Variants in CTNNA3 observed in about 807,000 individuals in gnomAD.
The protein encoded by CTNNA3 is catenin alpha 3.
Under a neutral mutation model 95.7 loss-of-function variants are expected in CTNNA3, and 76 were observed. That is an observed-to-expected ratio of 0.79 (90% CI 0.66 to 0.96). CTNNA3 has a LOEUF of 0.96. Ranked by LOEUF, CTNNA3 falls within the 40% of genes least tolerant of loss-of-function variation. CTNNA3 has a pLI of 0.00. For synonymous variants in CTNNA3, 431 were observed against 374.4 expected (o/e 1.15, Z -1.74); for missense variants, 1,191 against 1,089.8 (o/e 1.09, Z -1.31).
At chr10:67,502,212 C>A (rs1839255118) in intron 5 of CTNNA3, among the ~76,000 whole-genome samples, 1 of 152,116 alleles carries the variant, frequency 6.6e-6, no homozygotes, top group African/African-American at 2.4e-5. Flanking sequence ...AGTTTTCCTT[C>A]TAATGGTCAG....
intron 7 of CTNNA3, among the ~76,000 whole-genome samples, chr10:67,075,675 G>A (rs1039195144): frequency 1.2e-4 from 18 of 152,182 alleles, no homozygotes; most frequent in Admixed American, 3.9e-4. Context: ...TTGGCACCTC[G>A]TAAGTGCCCA....
chr10:67,649,059 T>A (rs1839803651), intron 1 of CTNNA3, among the ~76,000 whole-genome samples: 1 of 152,214 alleles, frequency 6.6e-6, no homozygotes, highest in African/African-American at 2.4e-5. Flanking sequence ...GATATGTCCT[T>A]CAGTGTATAG....
intron 12 of CTNNA3, among the ~76,000 whole-genome samples, chr10:66,373,786 T>TAG (rs1438911832): frequency 6.6e-6 from 1 of 152,218 alleles, no homozygotes. Flanking sequence ...CAGTCAGATC[T>TAG]TTCAACAGAC....
At chr10:67,254,373 T>G (rs1240681678) in intron 5 of CTNNA3, among the ~76,000 whole-genome samples, 3 of 152,170 alleles carry the variant, frequency 2.0e-5, no homozygotes, top group Non-Finnish European at 4.4e-5. Context: ...ATATAGATGG[T>G]AAGGTTCAAG....
Position 66,411,218 on chromosome 10 carries a change from C to A in CTNNA3, c.1532-31866G>T, listed in dbSNP as rs146283952. Among the ~76,000 whole-genome samples the A allele has an allele frequency of 8.2e-4, 125 of 152,102 alleles. 3 individuals are homozygous for A. In the East Asian group the frequency reaches 0.018, roughly 21 times the overall value. ...CTGTGTTCACATTTTTTCCTCACAT[C>A]TTTGGTAAAATCATTGATTCTTAAA... is the stretch of plus-strand genomic sequence containing the variant. On this transcript the variant is annotated intron_variant, in intron 11 of 17. Transcript: ENST00000433211.
chr10:66,628,854 A>G (rs894794625), intron 9 of CTNNA3, among the ~76,000 whole-genome samples: 1 of 152,124 alleles, frequency 6.6e-6, no homozygotes, highest in African/African-American at 2.4e-5. Context: ...AAGAAGACAT[A>G]AACTACATAT....
At chr10:66,773,848 AG>A (rs1395804332) in intron 8 of CTNNA3, among the ~76,000 whole-genome samples, 1 of 152,220 alleles carries the variant, frequency 6.6e-6, no homozygotes, top group Non-Finnish European at 1.5e-5. Flanking sequence ...GATGGTAGTG[AG>A]GTGGAAATAC....
At chr10:66,214,382 A>G (rs1381833431) in intron 13 of CTNNA3, among the ~76,000 whole-genome samples, 3 of 152,218 alleles carry the variant, frequency 2.0e-5, no homozygotes, top group African/African-American at 7.2e-5. Context: ...ACAGACAATA[A>G]GGACAAAAAA....
intron 13 of CTNNA3, among the ~76,000 whole-genome samples, chr10:66,270,786 T>A (rs1283643103): frequency 2.6e-5 from 4 of 151,988 alleles, no homozygotes; most frequent in African/African-American, 9.7e-5. Context: ...GAAGAGAGCA[T>A]CACAGTTAGA....
At chr10:67,636,818 G>T (rs989763745) in intron 2 of CTNNA3, among the ~76,000 whole-genome samples, 20 of 152,148 alleles carry the variant, frequency 1.3e-4, no homozygotes, top group African/African-American at 4.8e-4. Flanking sequence ...ATGTTAGAAG[G>T]AAAACTAATA....
At chr10:66,777,209 G>A (rs142382617) in intron 7 of CTNNA3, among the ~76,000 whole-genome samples, 236 of 152,248 alleles carry the variant, frequency 1.6e-3, no homozygotes, top group Admixed American at 6.6e-3. Context: ...TCTGGCATTC[G>A]TGGACCCAGG....
chr10:67,352,922 T>A (rs1842685601), intron 5 of CTNNA3, among the ~76,000 whole-genome samples: 1 of 152,106 alleles, frequency 6.6e-6, no homozygotes, highest in Non-Finnish European at 1.5e-5. Context: ...AGATATTAAT[T>A]CCAGGTATGT....
intron 12 of CTNNA3, among the ~76,000 whole-genome samples, chr10:66,376,267 T>C (rs1484241195): frequency 1.3e-5 from 2 of 152,192 alleles, no homozygotes; most frequent in Non-Finnish European, 2.9e-5. Flanking sequence ...AAAAAGCTAA[T>C]ATATTCTATA....
intron 17 of CTNNA3, among the ~76,000 whole-genome samples, chr10:65,966,062 T>C (rs1299449936): frequency 6.6e-6 from 1 of 152,182 alleles, no homozygotes; most frequent in African/African-American, 2.4e-5. Context: ...TGGTAATTTA[T>C]AGCAGCTTAA....
At chr10:67,540,024 G>A (rs1028171008) in intron 3 of CTNNA3, among the ~76,000 whole-genome samples, 3 of 152,070 alleles carry the variant, frequency 2.0e-5, no homozygotes, top group African/African-American at 7.2e-5. Context: ...TAAAAACAAG[G>A]TAAATCTTTA....
intron 5 of CTNNA3, among the ~76,000 whole-genome samples, chr10:67,510,102 G>A (rs144053365): frequency 0.017 from 2,513 of 152,138 alleles, 75 homozygotes; most frequent in African/African-American, 0.055. Context: ...TTGTTAGATG[G>A]GTAGATTGCA....
At position 67,336,066 on chromosome 10, in the gene CTNNA3, A is replaced by AT. The variant is rs1589181971; in HGVS notation, c.580-116197dup. On this transcript the variant is annotated intron_variant, in intron 5 of 17. Coordinates refer to ENST00000433211, the MANE Select transcript of CTNNA3 (RefSeq NM_013266.4). ...ATCTGTGATCTATGTTACCATCGTA[A>AT]TTGTTGTGGGGCACCATGAACAGCA... is the stretch of plus-strand genomic sequence containing the variant. Among the ~76,000 whole-genome samples the AT allele has an allele frequency of 6.6e-5, 10 of 152,152 alleles. No homozygotes were observed. The South Asian group carries it at 2.1e-3, about 32-fold the overall frequency.
intron 3 of CTNNA3, among the ~76,000 whole-genome samples, chr10:67,554,466 G>C (rs1253532530): frequency 1.3e-5 from 2 of 152,172 alleles, no homozygotes; most frequent in African/African-American, 4.8e-5. Flanking sequence ...GTGTGAGATG[G>C]TATCTCATTG....
chr10:67,036,934 A>G (rs939798657), intron 7 of CTNNA3, among the ~76,000 whole-genome samples: 1 of 152,188 alleles, frequency 6.6e-6, no homozygotes, highest in African/African-American at 2.4e-5. Context: ...GTTGTTTTAA[A>G]TAGGAGGAAA....
Sources: gnomAD v4.1 joint callset for allele counts (sites outside exome capture counted in the v4.1 genomes callset) on GRCh38, gnomAD v4.1.1 for gene constraint, MANE v1.5 for transcripts, NCBI Gene and HGNC (gene_info 2026-07-23, HGNC 2026-07-21) for gene names.